Variants in CHCHD6 observed in about 807,000 individuals in gnomAD.
The protein encoded by CHCHD6 is coiled-coil-helix-coiled-coil-helix domain containing 6.
CHCHD6 carries 28 observed loss-of-function variants against 32.3 expected under a neutral mutation model. The observed-to-expected ratio is 0.87, with a 90% CI of 0.64 to 1.19. CHCHD6 has a LOEUF of 1.19. Among genes scored for constraint, CHCHD6 ranks in the 50% most tolerant of loss-of-function variants. The probability of loss-of-function intolerance (pLI) is 0.00; values close to 1 mark genes in which losing one functional copy is unlikely to be tolerated. For synonymous variants in CHCHD6, 122 were observed against 117.5 expected (o/e 1.04, Z -0.25); for missense variants, 333 against 307.0 (o/e 1.08, Z -0.63).
intron 5 of CHCHD6, among the ~76,000 whole-genome samples, chr3:126,909,025 C>T (rs949983598): frequency 1.9e-4 from 29 of 152,356 alleles, no homozygotes; most frequent in African/African-American, 6.5e-4. Flanking sequence ...GCTCCTGAGG[C>T]CTTGGTTCTT....
rs756633225 is a variant in CHCHD6 at position 126,914,705 on chromosome 3, C to T, written c.521C>T (p.Ser174Leu). ...RKNAEMYKLS[S>L]EQFHEAASKM... ...AATGCTGAGATGTATAAACTGTCTT[C>T]AGAGCAATTCCATGAGGCAGCCTCA... Residue 174 changes from serine to leucine, a missense_variant, in exon 6 of 8, where the codon TCA becomes TTA. By Grantham distance (145) the Ser-to-Leu change is moderately radical (BLOSUM62 -2). Transcript: ENST00000290913. 6.3e-7 allele frequency: 1 copy of T among 1,596,402 alleles called. No individual in the cohort carries two copies. Among genetic ancestry groups the T allele is most frequent in the Non-Finnish European group, 8.6e-7 (1 of 1,163,862 alleles).
chr3:126,771,149 T>C (rs1937534831), intron 4 of CHCHD6, among the ~76,000 whole-genome samples: 1 of 152,116 alleles, frequency 6.6e-6, no homozygotes, highest in African/African-American at 2.4e-5. Flanking sequence ...TGATTTTCTC[T>C]ATTTCTGTGG....
chr3:126,840,585 G>C (rs1941032973), intron 4 of CHCHD6, among the ~76,000 whole-genome samples: 1 of 152,118 alleles, frequency 6.6e-6, no homozygotes. Context: ...TCATCTCAAA[G>C]TTATATTTGT....
chr3:126,945,757 G>A (rs1479088946), intron 6 of CHCHD6, among the ~76,000 whole-genome samples: 4 of 149,352 alleles, frequency 2.7e-5, no homozygotes, highest in African/African-American at 9.9e-5. Context: ...GGAGACTTGA[G>A]TGGGGAGACT....
intron 4 of CHCHD6, among the ~76,000 whole-genome samples, chr3:126,754,959 C>T (rs1936894191): frequency 6.6e-6 from 1 of 152,132 alleles, no homozygotes; most frequent in Admixed American, 6.5e-5. Context: ...CTGGCATCTT[C>T]CCATTGGGGG....
intron 5 of CHCHD6, among the ~76,000 whole-genome samples, chr3:126,910,697 A>T (rs1401967091): frequency 6.6e-6 from 1 of 152,196 alleles, no homozygotes; most frequent in Non-Finnish European, 1.5e-5. Flanking sequence ...CTGTACAAGG[A>T]TGGGGAGCTG....
intron 5 of CHCHD6, among the ~76,000 whole-genome samples, chr3:126,902,349 G>A (rs953922715): frequency 2.3e-4 from 35 of 152,322 alleles, no homozygotes; most frequent in Non-Finnish European, 7.3e-5. Context: ...AGTGGGAGCT[G>A]CAGATATATG....
chr3:126,893,173 G>A (rs999239414), intron 5 of CHCHD6, among the ~76,000 whole-genome samples: 2 of 152,104 alleles, frequency 1.3e-5, no homozygotes, highest in African/African-American at 4.8e-5. Flanking sequence ...TTGCCAAGCT[G>A]GTCTCGAACT....
chr3:126,860,461 G>C (rs924434365), intron 5 of CHCHD6, among the ~76,000 whole-genome samples: 1 of 152,108 alleles, frequency 6.6e-6, no homozygotes, highest in South Asian at 2.1e-4. Context: ...TGGGGAAAGG[G>C]GGGAGGGATA....
At chr3:126,802,678 T>G (rs977756534) in intron 4 of CHCHD6, among the ~76,000 whole-genome samples, 3 of 151,854 alleles carry the variant, frequency 2.0e-5, no homozygotes, top group East Asian at 3.9e-4. Flanking sequence ...AATCTAGCCA[T>G]GCAGGCCAAC....
intron 5 of CHCHD6, among the ~76,000 whole-genome samples, chr3:126,853,105 TG>T (rs1301660307): frequency 2.0e-5 from 3 of 152,212 alleles, no homozygotes; most frequent in Non-Finnish European, 4.4e-5. Context: ...AATAACGTGA[TG>T]TCTTGCTATA....
intron 4 of CHCHD6, among the ~76,000 whole-genome samples, chr3:126,773,737 C>T (rs1458132044): frequency 4.0e-5 from 6 of 151,570 alleles, no homozygotes; most frequent in African/African-American, 9.7e-5. Flanking sequence ...TTCCAAGTAG[C>T]TGGGATTACA....
intron 6 of CHCHD6, among the ~76,000 whole-genome samples, chr3:126,940,601 A>C (rs1031811236): frequency 2.0e-5 from 3 of 152,238 alleles, no homozygotes; most frequent in Non-Finnish European, 4.4e-5. Flanking sequence ...AAACATATGC[A>C]TACAGGTTTA....
intron 6 of CHCHD6, among the ~76,000 whole-genome samples, chr3:126,945,764 G>C (rs1405786676): frequency 1.3e-5 from 2 of 149,926 alleles, no homozygotes; most frequent in African/African-American, 2.5e-5. Context: ...TGAGTGGGGA[G>C]ACTCGAGCGG....
chr3:126,704,265 G>C lies in CHCHD6; in HGVS notation c.-48G>C, dbSNP rs1288477550. ...AAAGCGTTGTTGGCCCGGTTGCTCT[G>C]GAGCCGGGTCTCGGGTCTGGTGGCT... On this transcript the variant is annotated 5_prime_UTR_variant, in exon 1 of 8. Coordinates refer to ENST00000290913, the MANE Select transcript of CHCHD6 (RefSeq NM_032343.3). 1.3e-6 allele frequency: 2 copies of C among 1,508,394 alleles called. No homozygotes were observed. Among genetic ancestry groups the C allele is most frequent in the South Asian group, 1.1e-5 (1 of 87,504 alleles). 93.4% of individuals were successfully genotyped at this position (1,508,394 alleles called of 1,614,324 possible).
chr3:126,959,245 C>G (rs1207392614), intron 7 of CHCHD6, among the ~76,000 whole-genome samples: 1 of 152,250 alleles, frequency 6.6e-6, no homozygotes, highest in Non-Finnish European at 1.5e-5. Flanking sequence ...TCCCTCCTTC[C>G]CGGCCCCTAC....
intron 4 of CHCHD6, among the ~76,000 whole-genome samples, chr3:126,835,664 G>T (rs1049213554): frequency 1.3e-5 from 2 of 152,228 alleles, no homozygotes; most frequent in Non-Finnish European, 2.9e-5. Context: ...TGGAGCTGCA[G>T]TGAGAAGCAG....
chr3:126,767,309 A>G, intron 4 of CHCHD6: 1 of 1,078,580 alleles, frequency 9.3e-7, no homozygotes, highest in Non-Finnish European at 1.4e-6. Flanking sequence ...CCCAAACGCA[A>G]ACACGGAGCC....
At chr3:126,813,978 A>G (rs1321598989) in intron 4 of CHCHD6, among the ~76,000 whole-genome samples, 1 of 152,244 alleles carries the variant, frequency 6.6e-6, no homozygotes, top group Non-Finnish European at 1.5e-5. Flanking sequence ...CTCAGTATTT[A>G]TGGAGTGCAG....
Sources: allele counts gnomAD v4.1 joint callset (sites outside exome capture counted in the v4.1 genomes callset), GRCh38; gene constraint gnomAD v4.1.1; transcripts MANE v1.5; gene names NCBI Gene and HGNC (gene_info 2026-07-23, HGNC 2026-07-21).